The following LPP variants were observed in gnomAD, a reference collection of about 807,000 sequenced individuals.
The protein encoded by LPP is LIM domain containing preferred translocation partner in lipoma.
A neutral mutation model predicts 60.4 loss-of-function variants in LPP; 38 were observed. That is an observed-to-expected ratio of 0.63 (90% CI 0.49 to 0.83). The LOEUF (loss-of-function observed/expected upper bound fraction) is 0.83. LPP is among the 40% of genes least tolerant of loss of function. LPP has a pLI of 0.00. For synonymous variants in LPP, 328 were observed against 290.8 expected, an observed-to-expected ratio of 1.13 and a Z score of -1.30; for missense variants, 902 against 783.6, an observed-to-expected ratio of 1.15 and a Z score of -1.80.
Position 188,610,899 on chromosome 3 carries a change from C to A in LPP, c.1113+1055C>A, listed in dbSNP as rs1341213993. ...TGTGAGAAATCAGAAATTTGAGAGC[C>A]CTCAATTAGCTAGAAGTTCAATGGT... On this transcript the variant is annotated intron_variant, in intron 7 of 11. Transcript: ENST00000617246. The surrounding 1 kb of genome is among the most constrained non-coding windows in gnomAD (Gnocchi z 4.4). Among the ~76,000 whole-genome samples the A allele has an allele frequency of 6.6e-6, 1 of 152,094 alleles. No individual in the cohort carries two copies. Among genetic ancestry groups the A allele is most frequent in the South Asian group, 2.1e-4 (1 of 4,818 alleles).
chr3:188,795,817 T>A (rs913311824), intron 9 of LPP, among the ~76,000 whole-genome samples: 2 of 152,244 alleles, frequency 1.3e-5, no homozygotes, highest in Admixed American at 6.5e-5. Flanking sequence ...TCATTTTCCC[T>A]ACATAATATG....
chr3:188,158,182 C>G (rs184744722), intron 1 of LPP, among the ~76,000 whole-genome samples: 206 of 151,872 alleles, frequency 1.4e-3, no homozygotes, highest in Non-Finnish European at 2.5e-3. Context: ...GACCCTGGGC[C>G]GCGATTAGAG....
intron 2 of LPP, among the ~76,000 whole-genome samples, chr3:188,245,655 C>CTT (rs371005938): frequency 4.6e-4 from 67 of 147,168 alleles, no homozygotes; most frequent in South Asian, 1.3e-3. Flanking sequence ...TAACCCCACA[C>CTT]TTTTTTTTTT....
At chr3:188,537,712 G>T (rs1824015332) in intron 6 of LPP, among the ~76,000 whole-genome samples, 1 of 152,270 alleles carries the variant, frequency 6.6e-6, no homozygotes, top group Non-Finnish European at 1.5e-5. Flanking sequence ...ATCCCTATCA[G>T]AATCTAAGCT....
intron 6 of LPP, chr3:188,568,371 T>C (rs891762237): frequency 4.6e-5 from 7 of 151,968 alleles, no homozygotes; most frequent in Non-Finnish European, 8.8e-5. Flanking sequence ...TATAATATAC[T>C]TACCCTTCAA....
At chr3:188,506,453 T>G (rs1460483055) in intron 5 of LPP, among the ~76,000 whole-genome samples, 1 of 152,188 alleles carries the variant, frequency 6.6e-6, no homozygotes, top group Non-Finnish European at 1.5e-5. Context: ...AATCATTGCA[T>G]GTACATTAAT....
At chr3:188,850,126 A>G (rs568890334) in intron 9 of LPP, among the ~76,000 whole-genome samples, 1 of 152,230 alleles carries the variant, frequency 6.6e-6, no homozygotes, top group Non-Finnish European at 1.5e-5. Context: ...TGCCTGAGTG[A>G]GTCTGATGTG....
At chr3:188,421,441 C>T (rs1787773922) in intron 4 of LPP, among the ~76,000 whole-genome samples, 1 of 152,102 alleles carries the variant, frequency 6.6e-6, no homozygotes, top group Non-Finnish European at 1.5e-5. Context: ...AAGAATCATC[C>T]CTTCAACTGG....
chr3:188,586,878 C>T (rs551422161), intron 6 of LPP, among the ~76,000 whole-genome samples: 237 of 152,164 alleles, frequency 1.6e-3, no homozygotes, highest in African/African-American at 5.4e-3. Context: ...CAGGCACGCA[C>T]CATCAGGCCC....
intron 6 of LPP, among the ~76,000 whole-genome samples, chr3:188,530,208 T>C (rs1821786732): frequency 6.6e-6 from 1 of 152,222 alleles, no homozygotes; most frequent in Non-Finnish European, 1.5e-5. Context: ...CCAAGGGCTT[T>C]CATTGTTAGA....
intron 8 of LPP, chr3:188,710,831 T>C (rs1866486718): frequency 1.3e-5 from 2 of 152,122 alleles, no homozygotes; most frequent in Admixed American, 1.3e-4. Flanking sequence ...GAAACAGATA[T>C]AAATTATTAC....
At chr3:188,287,981 G>A (rs995724086) in intron 2 of LPP, among the ~76,000 whole-genome samples, 7 of 152,206 alleles carry the variant, frequency 4.6e-5, no homozygotes, top group African/African-American at 1.7e-4. Context: ...TAATTGCTGT[G>A]CTTAAGCAAC....
intron 8 of LPP, among the ~76,000 whole-genome samples, chr3:188,737,101 AT>A (rs1323987137): frequency 6.8e-6 from 1 of 146,140 alleles, no homozygotes; most frequent in Admixed American, 6.9e-5. Context: ...ATGTGATTTT[AT>A]TTTCCCCCCT....
rs909235466 is a variant in LPP at position 188,875,989 on chromosome 3, A to T, written c.*1510A>T. ...TATTTTAAGTCTACAAAAAGGTATA[A>T]ATAATAATATAATGAATTCCTATAT... On this transcript the variant is annotated 3_prime_UTR_variant, in exon 12 of 12. Transcript: ENST00000617246. The T allele has an allele frequency of 1.1e-5, 2 of 183,382 alleles. No homozygotes were observed. The highest frequency in any genetic ancestry group is 4.7e-5 in the African/African-American group (2 of 42,512). The allele number at this position is 183,382 out of a possible 1,614,324, so 11.4% of individuals were successfully genotyped here.
intron 4 of LPP, among the ~76,000 whole-genome samples, chr3:188,469,281 A>C (rs1801204418): frequency 6.6e-6 from 1 of 152,126 alleles, no homozygotes; most frequent in South Asian, 2.1e-4. Flanking sequence ...TGGGTAAAGA[A>C]GAGCCCATCC....
intron 7 of LPP, among the ~76,000 whole-genome samples, chr3:188,681,936 T>A (rs903355687): frequency 4.6e-5 from 7 of 152,208 alleles, no homozygotes; most frequent in African/African-American, 1.7e-4. Context: ...GTTTGTTGTG[T>A]TCACTGCTGT....
At chr3:188,626,819 T>A (rs970795480) in intron 7 of LPP, among the ~76,000 whole-genome samples, 3 of 152,140 alleles carry the variant, frequency 2.0e-5, no homozygotes, top group Admixed American at 2.0e-4. Context: ...GAGACATGAC[T>A]CAGCTCATAA....
intron 9 of LPP, among the ~76,000 whole-genome samples, chr3:188,798,664 A>G (rs1746100935): frequency 1.3e-5 from 2 of 152,198 alleles, no homozygotes; most frequent in South Asian, 4.1e-4. Flanking sequence ...GGGGAGAGAA[A>G]TAGATAGTGT....
chr3:188,867,858 T>C (rs561830263), intron 10 of LPP, among the ~76,000 whole-genome samples: 1 of 152,166 alleles, frequency 6.6e-6, no homozygotes, highest in Non-Finnish European at 1.5e-5. Flanking sequence ...ACCACTGTGT[T>C]GATTGTCAAC....
Sources: allele counts gnomAD v4.1 joint callset (sites outside exome capture counted in the v4.1 genomes callset), GRCh38; gene constraint gnomAD v4.1.1; non-coding constraint Gnocchi (gnomAD v3.1); transcripts MANE v1.5; gene names NCBI Gene and HGNC (gene_info 2026-07-23, HGNC 2026-07-21).